CDK14: variants seen among roughly 807,000 people sequenced by gnomAD.
The protein encoded by CDK14 is cyclin-dependent kinase 14.
CDK14 carries 34 observed loss-of-function variants against 60.7 expected under a neutral mutation model. That is an observed-to-expected ratio of 0.56 (90% CI 0.43 to 0.75). The LOEUF is 0.75. Ranked by LOEUF, CDK14 falls within the 30% of genes least tolerant of loss-of-function variation. The probability of loss-of-function intolerance (pLI) is 0.00; values close to 1 mark genes in which losing one functional copy is unlikely to be tolerated. For missense variants in CDK14, 482 were observed against 564.1 expected (o/e 0.85, Z 1.47); for synonymous variants, 197 against 203.7 (o/e 0.97, Z 0.28).
intron 2 of CDK14, among the ~76,000 whole-genome samples, chr7:90,722,220 C>T (rs1214723582): frequency 6.7e-6 from 1 of 150,230 alleles, no homozygotes; most frequent in Non-Finnish European, 1.5e-5. Flanking sequence ...GAGATAGGGT[C>T]TCACTATGTT....
At chr7:91,025,467 CTT>C (rs760473895) in intron 10 of CDK14, among the ~76,000 whole-genome samples, 2 of 152,106 alleles carry the variant, frequency 1.3e-5, no homozygotes, top group East Asian at 1.9e-4. Flanking sequence ...AGTTTTATGA[CTT>C]AAATCTCATG....
intron 2 of CDK14, among the ~76,000 whole-genome samples, chr7:90,624,378 A>G (rs997453166): frequency 7.2e-5 from 11 of 152,250 alleles, no homozygotes; most frequent in African/African-American, 2.7e-4. Flanking sequence ...ATAATGAGTC[A>G]CTTTCTAATT....
intron 2 of CDK14, among the ~76,000 whole-genome samples, chr7:90,616,771 A>T (rs989071159): frequency 5.3e-5 from 8 of 152,206 alleles, no homozygotes; most frequent in African/African-American, 1.9e-4. Flanking sequence ...AAAAAAGATT[A>T]AAACCCATAA....
chr7:91,080,166 G>A (rs950385193), intron 12 of CDK14, among the ~76,000 whole-genome samples: 3 of 152,120 alleles, frequency 2.0e-5, no homozygotes, highest in South Asian at 2.1e-4. Flanking sequence ...AAAGACAACT[G>A]GAACTGGTTT....
At chr7:91,025,194 T>C (rs553331505) in intron 10 of CDK14, among the ~76,000 whole-genome samples, 5 of 152,160 alleles carry the variant, frequency 3.3e-5, no homozygotes, top group Non-Finnish European at 7.3e-5. Context: ...TTCTGTTTTA[T>C]ATTATGAATG....
rs560171423 is a variant in CDK14 at position 90,766,444 on chromosome 7, A to G, written c.464+18669A>G. Among the ~76,000 whole-genome samples, 9 of 152,334 alleles carry G rather than the reference A, an allele frequency of 5.9e-5. No individual in the cohort carries two copies. In the East Asian group the frequency reaches 1.7e-3, roughly 29 times the overall value. ...TTTCGTTTCTTATAACAATCCTAGA[A>G]GAGATTTGAGATAATACAATTTCCC... On this transcript the variant is annotated intron_variant, in intron 4 of 14. Transcript: ENST00000380050.
At chr7:90,913,883 C>T (rs774238315) in intron 7 of CDK14, among the ~76,000 whole-genome samples, 6 of 152,042 alleles carry the variant, frequency 3.9e-5, no homozygotes, top group South Asian at 2.1e-4. Context: ...GGTTGAGAGA[C>T]GGGGCAGAGA....
At chr7:91,173,251 GGAGAA>G (rs1801586141) in intron 14 of CDK14, among the ~76,000 whole-genome samples, 1 of 152,094 alleles carries the variant, frequency 6.6e-6, no homozygotes, top group African/African-American at 2.4e-5. Flanking sequence ...ACTAAGTTGG[GGAGAA>G]GAGAAGTCAT....
intron 2 of CDK14, among the ~76,000 whole-genome samples, chr7:90,612,149 T>C (rs1347701140): frequency 6.6e-6 from 1 of 152,152 alleles, no homozygotes; most frequent in African/African-American, 2.4e-5. Flanking sequence ...AGTTATCTTT[T>C]ATTTTCGTGA....
intron 8 of CDK14, among the ~76,000 whole-genome samples, chr7:90,939,907 C>T (rs1408170902): frequency 1.3e-5 from 2 of 152,118 alleles, no homozygotes; most frequent in Non-Finnish European, 1.5e-5. Flanking sequence ...CTTTAACTCA[C>T]TCCTGCCAGC....
Position 90,965,553 on chromosome 7 carries a change from ATTGG to A in CDK14, c.947+9739_947+9742del, listed in dbSNP as rs1794729121. On this transcript the variant is annotated intron_variant, in intron 9 of 14. Transcript: ENST00000380050. ...GAATCTGAGTATTTCTGTATGTCTT[ATTGG>A]TTCCCTTATAGCTCTATTCGTAGTC... is the stretch of plus-strand genomic sequence containing the variant. Among the ~76,000 whole-genome samples the A allele has an allele frequency of 1.3e-5, 2 of 152,098 alleles. 1 individual carries two copies. Among genetic ancestry groups the A allele is most frequent in the South Asian group, 4.1e-4 (2 of 4,820 alleles).
chr7:91,115,429 C>G (rs1220084063), intron 13 of CDK14, among the ~76,000 whole-genome samples: 1 of 152,100 alleles, frequency 6.6e-6, no homozygotes, highest in Non-Finnish European at 1.5e-5. Context: ...GGGCCCCTCC[C>G]TTATGAGTTC....
chr7:90,641,924 CAA>C (rs1491272132), intron 2 of CDK14, among the ~76,000 whole-genome samples: 4 of 152,240 alleles, frequency 2.6e-5, no homozygotes, highest in African/African-American at 7.2e-5. Flanking sequence ...TGGTGGCAGA[CAA>C]GAGAGAGAGC....
At chr7:91,015,097 T>A (rs1796262163) in intron 10 of CDK14, among the ~76,000 whole-genome samples, 1 of 152,224 alleles carries the variant, frequency 6.6e-6, no homozygotes, top group African/African-American at 2.4e-5. Context: ...CCTTAATCTA[T>A]TTGTGTTTTT....
At chr7:91,144,639 CAG>C (rs1800570960) in intron 14 of CDK14, among the ~76,000 whole-genome samples, 1 of 152,134 alleles carries the variant, frequency 6.6e-6, no homozygotes, top group South Asian at 2.1e-4. Flanking sequence ...GCTGTATCAT[CAG>C]AGTAATTTTT....
At position 90,596,654 on chromosome 7, in the gene CDK14, G is replaced by T. The variant is rs1173808594; in HGVS notation, c.27G>T (p.Pro9=). The change falls in exon 1 of 15, where the codon CCG becomes CCT. Residue 9 remains proline (P), a synonymous_variant. Transcript: ENST00000380050. ...TGTGTGACCTCATTGAGCCGCAGCC[G>T]GCCGAGAAGATCGGCAAGATGAAGA... is the stretch of plus-strand genomic sequence containing the variant. The part of the protein sequence containing the change: MCDLIEPQ[P]AEKIGKMKKL... 6.2e-7 allele frequency: 1 copy of T among 1,612,126 alleles called. No homozygotes were observed. The highest frequency in any genetic ancestry group is 8.5e-7 in the Non-Finnish European group (1 of 1,179,372).
In CDK14 at chr7:90,915,042, G is replaced by T. The variant is rs930366408; in HGVS notation, c.703-2559G>T. 1.1e-4 allele frequency among the ~76,000 whole-genome samples: 17 copies of T among 152,180 alleles called. 1 individual carries two copies. The highest frequency in any genetic ancestry group is 1.5e-5 in the Non-Finnish European group (1 of 68,024). The stretch of plus-strand genomic sequence containing the variant: ...TACACAGACCTGAAGGGGTACAAGG[G>T]CTTGCAGGGGTGGTCAGGGAAGGCT... On this transcript the variant is annotated intron_variant, in intron 7 of 14. Coordinates refer to ENST00000380050, the MANE Select transcript of CDK14 (RefSeq NM_001287135.2).
At chr7:91,123,433 G>T (rs748182726) in intron 14 of CDK14, among the ~76,000 whole-genome samples, 1 of 152,052 alleles carries the variant, frequency 6.6e-6, no homozygotes, top group Non-Finnish European at 1.5e-5. Flanking sequence ...TTCTTTGCAG[G>T]TTTCATCTGG....
intron 12 of CDK14, among the ~76,000 whole-genome samples, chr7:91,098,437 T>G (rs696269): frequency 0.47 from 71,125 of 151,160 alleles, 17,905 homozygotes; most frequent in East Asian, 0.82. Context: ...CACACCAACA[T>G]GGCACATGTA....
Sources: allele counts gnomAD v4.1 joint callset (sites outside exome capture counted in the v4.1 genomes callset), GRCh38; gene constraint gnomAD v4.1.1; transcripts MANE v1.5; gene names NCBI Gene and HGNC (gene_info 2026-07-23, HGNC 2026-07-21).